Variants in KDM4C observed in about 807,000 individuals in gnomAD.
KDM4C encodes lysine-specific demethylase 4C.
In KDM4C, 81 loss-of-function variants were observed where a neutral mutation model predicts 129.3. That is an observed-to-expected ratio of 0.63 (90% confidence interval 0.52 to 0.75). The LOEUF (loss-of-function observed/expected upper bound fraction) is 0.75, where lower values mean the gene tolerates loss of function less well. KDM4C is among the 30% of genes least tolerant of loss of function. The pLI is 0.00. For synonymous variants in KDM4C, 573 were observed against 456.1 expected, an observed-to-expected ratio of 1.26 and a Z score of -3.26; for missense variants, 1,457 against 1,304.0, an observed-to-expected ratio of 1.12 and a Z score of -1.81.
intron 5 of KDM4C, among the ~76,000 whole-genome samples, chr9:6,859,332 C>T (rs1001124658): frequency 7.3e-5 from 11 of 151,606 alleles, no homozygotes; most frequent in Admixed American, 2.0e-4. Context: ...AAAATTAGTT[C>T]GACGTAGTGG....
chr9:7,091,041 A>C (rs1038176799), intron 17 of KDM4C, among the ~76,000 whole-genome samples: 4 of 152,224 alleles, frequency 2.6e-5, no homozygotes, highest in African/African-American at 9.6e-5. Flanking sequence ...ACCATTATAA[A>C]GCCTAAAATT....
chr9:6,864,500 G>A (rs1238641766), intron 5 of KDM4C, among the ~76,000 whole-genome samples: 1 of 151,962 alleles, frequency 6.6e-6, no homozygotes, highest in East Asian at 1.9e-4. Flanking sequence ...GGTCATATCT[G>A]TTTGGTGATC....
At chr9:6,980,345 G>A (rs897655945) in intron 8 of KDM4C, among the ~76,000 whole-genome samples, 13 of 152,250 alleles carry the variant, frequency 8.5e-5, no homozygotes, top group African/African-American at 2.6e-4. Context: ...CTTCATTTTA[G>A]TGGATATGTT....
intron 8 of KDM4C, chr9:6,902,614 C>G (rs1247295887): frequency 6.6e-6 from 1 of 152,104 alleles, no homozygotes; most frequent in African/African-American, 2.4e-5. Context: ...TCCCTCTCCC[C>G]AAGTACATAT....
intron 15 of KDM4C, among the ~76,000 whole-genome samples, chr9:7,024,817 A>G (rs1825525200): frequency 1.3e-5 from 2 of 152,206 alleles, no homozygotes; most frequent in Admixed American, 1.3e-4. Context: ...TCTTTATAGC[A>G]GCATGATTTA....
At chr9:7,016,572 C>T (rs1823736612) in intron 15 of KDM4C, among the ~76,000 whole-genome samples, 1 of 151,730 alleles carries the variant, frequency 6.6e-6, no homozygotes, top group Non-Finnish European at 1.5e-5. Context: ...ACTACGGGCG[C>T]CTGCCACCAT....
chr9:7,098,494 G>T (rs1049093858), intron 17 of KDM4C, among the ~76,000 whole-genome samples: 1 of 152,180 alleles, frequency 6.6e-6, no homozygotes, highest in Non-Finnish European at 1.5e-5. Flanking sequence ...AAGAGAGACA[G>T]AGGACTTATC....
intron 1 of KDM4C, among the ~76,000 whole-genome samples, chr9:6,752,056 G>C (rs1190686697): frequency 2.0e-5 from 3 of 150,630 alleles, no homozygotes; most frequent in Non-Finnish European, 4.4e-5. Flanking sequence ...GAGGATGGCC[G>C]GGCGCGGTGG....
chr9:6,829,502 G>A (rs1358552494), intron 4 of KDM4C, among the ~76,000 whole-genome samples: 1 of 152,198 alleles, frequency 6.6e-6, no homozygotes, highest in East Asian at 1.9e-4. Context: ...GACAATTTCA[G>A]CTGGAAAAAA....
chr9:7,126,691 A>G (rs906374328), intron 18 of KDM4C, among the ~76,000 whole-genome samples: 3 of 152,216 alleles, frequency 2.0e-5, no homozygotes, highest in African/African-American at 7.2e-5. Context: ...GTTGAGAATC[A>G]AAGATACTCC....
At chr9:7,121,622 T>A (rs1323408) in intron 18 of KDM4C, among the ~76,000 whole-genome samples, 130,181 of 152,098 alleles carry the variant, frequency 0.86, 55,968 homozygotes, top group African/African-American at 0.92. Flanking sequence ...ACACGTGTGT[T>A]TACATATGTG....
At chr9:6,866,213 G>A (rs1449543098) in intron 5 of KDM4C, among the ~76,000 whole-genome samples, 1 of 151,492 alleles carries the variant, frequency 6.6e-6, no homozygotes, top group Admixed American at 6.6e-5. Flanking sequence ...TATTAAATAT[G>A]TCTACTTAGA....
chr9:7,057,067 T>A (rs1297007482), intron 17 of KDM4C, among the ~76,000 whole-genome samples: 1 of 152,254 alleles, frequency 6.6e-6, no homozygotes, highest in East Asian at 1.9e-4. Flanking sequence ...TCATTATTCT[T>A]TGTTTTTCTG....
intron 17 of KDM4C, among the ~76,000 whole-genome samples, chr9:7,059,417 C>T (rs78385324): frequency 0.031 from 4,644 of 152,194 alleles, 245 homozygotes; most frequent in African/African-American, 0.11. Flanking sequence ...AGAGTATTTT[C>T]GAAATGATGA....
chr9:6,919,533 GTCTGTCTGTCTGTCTATCTATCTA>G (rs899632358), intron 8 of KDM4C, among the ~76,000 whole-genome samples: 3 of 58,656 alleles, frequency 5.1e-5, no homozygotes, highest in African/African-American at 1.7e-4. Flanking sequence ...AATTTCATCT[GTCTGTCTGTCTGTCTATCTATCTA>G]TCTATCTATC....
At chr9:6,964,908 C>T (rs938519863) in intron 8 of KDM4C, among the ~76,000 whole-genome samples, 2 of 151,630 alleles carry the variant, frequency 1.3e-5, no homozygotes, top group East Asian at 1.9e-4. Context: ...GAGCCGAGAT[C>T]GCGCCATTGC....
chr9:7,043,382 T>C (rs185816307), intron 15 of KDM4C, among the ~76,000 whole-genome samples: 3 of 152,150 alleles, frequency 2.0e-5, no homozygotes, highest in Admixed American at 1.3e-4. Flanking sequence ...GTATCAGACA[T>C]TGTAGATTCT....
intron 5 of KDM4C, among the ~76,000 whole-genome samples, chr9:6,871,543 A>G (rs1301930963): frequency 6.6e-6 from 1 of 152,242 alleles, no homozygotes; most frequent in Non-Finnish European, 1.5e-5. Context: ...AATATGCAGA[A>G]TAGCTCAAGA....
At chr9:7,036,238 A>C (rs578215427) in intron 15 of KDM4C, among the ~76,000 whole-genome samples, 1 of 152,288 alleles carries the variant, frequency 6.6e-6, no homozygotes, top group Non-Finnish European at 1.5e-5. Context: ...TTTGAAATCA[A>C]GTACTTTGCT....
Sources: gnomAD v4.1 joint callset for allele counts (sites outside exome capture counted in the v4.1 genomes callset) on GRCh38, gnomAD v4.1.1 for gene constraint, MANE v1.5 for transcripts, NCBI Gene and HGNC (gene_info 2026-07-23, HGNC 2026-07-21) for gene names.